Variants in ACVR1 observed in about 807,000 individuals in gnomAD.
ACVR1 encodes the protein activin A receptor type 1, also known as activin receptor type-1.
ACVR1 carries 38 observed loss-of-function variants against 57.1 expected under a neutral mutation model. The observed-to-expected ratio is 0.67, with a 90% confidence interval of 0.51 to 0.87. The LOEUF (loss-of-function observed/expected upper bound fraction) is 0.87. ACVR1 is among the 40% of genes least tolerant of loss of function. ACVR1 has a pLI of 0.00. For missense variants in ACVR1, 463 were observed against 638.2 expected (o/e 0.73, Z 2.96); for synonymous variants, 212 against 228.1 (o/e 0.93, Z 0.63).
intron 2 of ACVR1, among the ~76,000 whole-genome samples, chr2:157,815,620 A>C (rs186405162): frequency 6.6e-6 from 1 of 152,088 alleles, no homozygotes; most frequent in African/African-American, 2.4e-5. Flanking sequence ...CATATACACA[A>C]AATAAAGTCT....
chr2:157,828,496 C>T (rs1420300513), intron 1 of ACVR1, among the ~76,000 whole-genome samples: 2 of 151,194 alleles, frequency 1.3e-5, no homozygotes, highest in Admixed American at 1.3e-4. Flanking sequence ...CAGTGGGTCC[C>T]TGTAGTCCCA....
At chr2:157,780,245 T>C (rs1343846334) in intron 4 of ACVR1, 92 bp downstream of exon 4, 1 of 1,557,508 alleles carries the variant, frequency 6.4e-7, no homozygotes, top group African/African-American at 1.4e-5. Flanking sequence ...GTAGGTGGAA[T>C]GCCTCATAGC....
chr2:157,815,283 A>C (rs1687892551), intron 2 of ACVR1, among the ~76,000 whole-genome samples: 1 of 152,112 alleles, frequency 6.6e-6, no homozygotes, highest in Non-Finnish European at 1.5e-5. Flanking sequence ...ACACAAGAAA[A>C]TGGTAATACA....
At chr2:157,821,666 T>C (rs1279196632) in intron 1 of ACVR1, among the ~76,000 whole-genome samples, 1 of 152,246 alleles carries the variant, frequency 6.6e-6, no homozygotes, top group African/African-American at 2.4e-5. Flanking sequence ...TATTTGGCGA[T>C]GGAGTTTCAA....
intron 1 of ACVR1, among the ~76,000 whole-genome samples, chr2:157,838,960 C>T (rs560158894): frequency 4.9e-4 from 74 of 152,312 alleles, no homozygotes; most frequent in African/African-American, 1.7e-3. Flanking sequence ...TTCTGCAATG[C>T]ACCAATAACT....
At chr2:157,810,364 A>G (rs968986556) in intron 2 of ACVR1, among the ~76,000 whole-genome samples, 1 of 152,212 alleles carries the variant, frequency 6.6e-6, no homozygotes, top group African/African-American at 2.4e-5. Flanking sequence ...GATGGGGGAC[A>G]GGTGGCAGGG....
At chr2:157,785,433 A>C (rs1028854110) in intron 3 of ACVR1, among the ~76,000 whole-genome samples, 44 of 152,202 alleles carry the variant, frequency 2.9e-4, no homozygotes, top group Non-Finnish European at 6.0e-4. Context: ...AAAGCATTTG[A>C]GATCTCTGGC....
intron 9 of ACVR1, among the ~76,000 whole-genome samples, chr2:157,758,419 T>C (rs1369762156): frequency 6.6e-6 from 1 of 152,062 alleles, no homozygotes; most frequent in Non-Finnish European, 1.5e-5. Flanking sequence ...TTGTTGTTGT[T>C]GTTCACGTGT....
intron 1 of ACVR1, among the ~76,000 whole-genome samples, chr2:157,833,695 GT>G (rs796372809): frequency 3.9e-4 from 55 of 141,694 alleles, no homozygotes; most frequent in Admixed American, 4.2e-4. Context: ...ACCTGATTTT[GT>G]TTTTTTTTTT....
In ACVR1 at chr2:157,737,334, TCA is replaced by T. The variant is rs1289292847; in HGVS notation, c.*195_*196del. 3.0e-6 allele frequency: 2 copies of T among 672,178 alleles called. No individual in the cohort carries two copies. The highest frequency in any genetic ancestry group is 3.5e-5 in the African/African-American group (2 of 56,348). 41.6% of individuals were successfully genotyped at this position (672,178 alleles called of 1,614,324 possible). On this transcript the variant is annotated 3_prime_UTR_variant, in exon 11 of 11. Coordinates refer to ENST00000434821, the MANE Select transcript of ACVR1 (RefSeq NM_001111067.4). ...GTGAACAGTTCGTGAAATGCCCAGT[TCA>T]CAGTCATCGAGCGAGGTTAGGGTGG...
chr2:157,835,889 G>C (rs1688766831), intron 1 of ACVR1, among the ~76,000 whole-genome samples: 1 of 152,142 alleles, frequency 6.6e-6, no homozygotes, highest in Admixed American at 6.5e-5. Context: ...CAAACAACCA[G>C]CCAACAACCC....
chr2:157,791,498 AATGAATACCTCCAC>A (rs1181570739), intron 3 of ACVR1, among the ~76,000 whole-genome samples: 2 of 152,220 alleles, frequency 1.3e-5, no homozygotes, highest in Non-Finnish European at 2.9e-5. Flanking sequence ...GGGATAAAAC[AATGAATACCTCCAC>A]ATTCTGGCCT....
In ACVR1 at chr2:157,828,598, A is replaced by T. The variant is rs114034398; in HGVS notation, c.-182-10039T>A. Among the ~76,000 whole-genome samples the T allele has an allele frequency of 4.1e-3, 630 of 152,240 alleles. 9 individuals carry two copies. Among genetic ancestry groups the T allele is most frequent in the African/African-American group, 0.015 (608 of 41,546 alleles). On this transcript the variant is annotated intron_variant, in intron 1 of 10. Transcript: ENST00000434821. ...CACTGCGCTCCAGCCTGGGCAACAG[A>T]GGGATAGCAAAACTCTGTTTCCAAA...
At chr2:157,791,202 A>G (rs1185640300) in intron 3 of ACVR1, among the ~76,000 whole-genome samples, 1 of 152,154 alleles carries the variant, frequency 6.6e-6, no homozygotes, top group Non-Finnish European at 1.5e-5. Context: ...TGAAGCAGGA[A>G]CCACTTCTTG....
chr2:157,832,006 G>C (rs998448208), intron 1 of ACVR1, among the ~76,000 whole-genome samples: 1 of 152,084 alleles, frequency 6.6e-6, no homozygotes, highest in African/African-American at 2.4e-5. Flanking sequence ...GTACAACTTA[G>C]ACCTCGAGTA....
At chr2:157,764,634 G>C (rs1322106406) in intron 8 of ACVR1, among the ~76,000 whole-genome samples, 1 of 152,158 alleles carries the variant, frequency 6.6e-6, no homozygotes, top group Non-Finnish European at 1.5e-5. Flanking sequence ...GTCTCACTGA[G>C]TGAAAGCAGT....
At chr2:157,841,068 T>C (rs2105355173) in intron 1 of ACVR1, among the ~76,000 whole-genome samples, 1 of 152,306 alleles carries the variant, frequency 6.6e-6, no homozygotes. Context: ...ACCTACCAGG[T>C]ATGGCAAAAA....
At position 157,761,093 on chromosome 2, in the gene ACVR1, TAAC is replaced by T. The variant is rs1559041754; in HGVS notation, c.1067-19_1067-17del. ...ACTGCCAGGCCTGAAAGGAAGAAGA[TAAC>T]AATGTAATCAACCCACTTCCTTTCT... On this transcript the variant is annotated splice_polypyrimidine_tract_variant and intron_variant, in intron 8 of 10. Transcript: ENST00000434821. 1.9e-6 allele frequency: 3 copies of T among 1,612,740 alleles called. No homozygotes were observed. The highest frequency in any genetic ancestry group is 1.1e-5 in the South Asian group (1 of 90,980).
chr2:157,828,264 A>G (rs960436592), intron 1 of ACVR1, among the ~76,000 whole-genome samples: 1 of 152,122 alleles, frequency 6.6e-6, no homozygotes, highest in Non-Finnish European at 1.5e-5. Context: ...CCTGGCCAAC[A>G]TGGTGAAACC....
Sources: gnomAD v4.1 joint callset for allele counts (sites outside exome capture counted in the v4.1 genomes callset) on GRCh38, gnomAD v4.1.1 for gene constraint, MANE v1.5 for transcripts, NCBI Gene and HGNC (gene_info 2026-07-23, HGNC 2026-07-21) for gene names.